WDR48: variants seen among roughly 807,000 people sequenced by gnomAD.
The protein encoded by WDR48 is WD repeat-containing protein 48.
WDR48 carries 22 observed loss-of-function variants against 94.0 expected under a neutral mutation model. That is an observed-to-expected ratio of 0.23 (90% CI 0.17 to 0.33). WDR48 has a LOEUF of 0.33. Ranked by LOEUF, WDR48 falls within the 10% of genes least tolerant of loss-of-function variation. The pLI is 1.00. For missense variants in WDR48, 541 were observed against 813.8 expected, an observed-to-expected ratio of 0.66 and a Z score of 4.08; for synonymous variants, 278 against 280.5, an observed-to-expected ratio of 0.99 and a Z score of 0.09.
intron 11 of WDR48, among the ~76,000 whole-genome samples, chr3:39,083,876 CGAAA>C (rs1380014132): frequency 2.0e-5 from 3 of 152,046 alleles, no homozygotes; most frequent in African/African-American, 7.2e-5. Flanking sequence ...CTGGGACCCT[CGAAA>C]GAGCCACGTT....
intron 7 of WDR48, among the ~76,000 whole-genome samples, 165 bp downstream of exon 7, chr3:39,069,909 C>G (rs1410944610): frequency 6.6e-6 from 1 of 152,190 alleles, no homozygotes; most frequent in Non-Finnish European, 1.5e-5. Context: ...CATTTAAAAA[C>G]TATTCTATTT....
chr3:39,094,235 C>T, intron 18 of WDR48, 169 bp downstream of exon 18: 1 of 1,442,106 alleles, frequency 6.9e-7, no homozygotes, highest in East Asian at 2.5e-5. Context: ...GGGAGATTTT[C>T]AGAGAAGGGA....
chr3:39,096,044 G>C lies in WDR48; in HGVS notation c.*1301G>C, dbSNP rs1040984849. On this transcript the variant is annotated 3_prime_UTR_variant, in exon 19 of 19. Transcript: ENST00000302313. Reference sequence around the variant, plus strand: ...TCCACCATAGCAGGGACTAGGGAGGGAGGCAGGGAACGTTTTTTCTTTTCT... The same window carrying C: ...TCCACCATAGCAGGGACTAGGGAGGCAGGCAGGGAACGTTTTTTCTTTTCT... 6.5e-6 allele frequency: 1 copy of C among 152,680 alleles called. No homozygotes were observed. The highest frequency in any genetic ancestry group is 1.5e-5 in the Non-Finnish European group (1 of 68,052). The allele number at this position is 152,680 out of a possible 1,614,324, so 9.5% of individuals were successfully genotyped here.
chr3:39,074,644 G>T, intron 7 of WDR48, 82 bp from the exon 8 acceptor site: 25 of 1,294,022 alleles, frequency 1.9e-5, no homozygotes, highest in Non-Finnish European at 2.1e-5. Context: ...TTGACAGTGT[G>T]GACTCGGGAG....
intron 7 of WDR48, among the ~76,000 whole-genome samples, chr3:39,074,522 G>T (rs1404724270): frequency 6.6e-6 from 1 of 152,118 alleles, no homozygotes; most frequent in Non-Finnish European, 1.5e-5. Flanking sequence ...TACATATTTG[G>T]GAAGAATAAG....
intron 7 of WDR48, among the ~76,000 whole-genome samples, chr3:39,072,149 G>A (rs1314612794): frequency 2.0e-5 from 3 of 152,164 alleles, no homozygotes; most frequent in South Asian, 4.1e-4. Flanking sequence ...TGATTCTTTT[G>A]TTGTAGAATA....
At chr3:39,083,899 G>T (rs571781556) in intron 11 of WDR48, among the ~76,000 whole-genome samples, 3 of 152,320 alleles carry the variant, frequency 2.0e-5, no homozygotes, top group Non-Finnish European at 4.4e-5. Flanking sequence ...TTGCTGTTAA[G>T]ATGAGGTGGT....
rs2034274050 is a variant in WDR48, at chr3:39,077,195, G to C, written c.954G>C (p.Lys318Asn). The change falls in exon 9 of 19, where the codon AAG becomes AAC. Residue 318 changes from lysine to asparagine, a missense_variant. Coordinates refer to ENST00000302313, the MANE Select transcript of WDR48 (RefSeq NM_020839.4). Reference protein sequence around the residue: ...PPPAIWVATTKSTVNKWTLKG... With the variant: ...PPPAIWVATTNSTVNKWTLKG... ...CTGCAATTTGGGTTGCAACAACTAA[G>C]TCTACAGTAAATAAATGGGTAAGTG... 1.2e-6 allele frequency: 2 copies of C among 1,614,020 alleles called. No individual in the cohort carries two copies. Among genetic ancestry groups the C allele is most frequent in the Non-Finnish European group, 1.7e-6 (2 of 1,180,034 alleles).
intron 5 of WDR48, among the ~76,000 whole-genome samples, chr3:39,068,521 T>G (rs2033744281): frequency 6.6e-6 from 1 of 152,250 alleles, no homozygotes; most frequent in African/African-American, 2.4e-5. Context: ...ACATATCATT[T>G]AAGCGGATAG....
At chr3:39,094,156 T>G in intron 18 of WDR48, 90 bp downstream of exon 18, 1 of 1,512,004 alleles carries the variant, frequency 6.6e-7, no homozygotes. Context: ...CTTCTACTTT[T>G]AGAGGGGCTC....
chr3:39,066,647 C>A lies in WDR48; in HGVS notation c.351+17C>A. 9 of 1,613,466 alleles carry A rather than the reference C, an allele frequency of 5.6e-6. No individual in the cohort carries two copies. Among genetic ancestry groups the A allele is most frequent in the Non-Finnish European group, 7.6e-6 (9 of 1,179,604 alleles). On this transcript the variant is annotated intron_variant, in intron 4 of 18. Coordinates refer to ENST00000302313, the MANE Select transcript of WDR48 (RefSeq NM_020839.4). ...ACACATAAGGTAAAACAATACAGTT[C>A]TCAGTGTCTTTAGTGTAATATTGGG... is the stretch of plus-strand genomic sequence containing the variant.
intron 14 of WDR48, 72 bp downstream of exon 14, chr3:39,085,682 A>ACTTTTTAAGTAAGTAC (rs1408838617): frequency 7.9e-7 from 1 of 1,264,828 alleles, no homozygotes; most frequent in African/African-American, 1.5e-5. Flanking sequence ...ACTAAAAGGT[A>ACTTTTTAAGTAAGTAC]CTTACTTAAA....
At chr3:39,070,687 CT>C (rs34204168) in intron 7 of WDR48, among the ~76,000 whole-genome samples, 34,721 of 133,284 alleles carry the variant, frequency 0.26, 4,865 homozygotes, top group African/African-American at 0.42. Context: ...TGTGAAGGAT[CT>C]TTTTTTTTTT....
chr3:39,091,283 T>C (rs1176790511), intron 16 of WDR48: 1 of 167,326 alleles, frequency 6.0e-6, no homozygotes, highest in Non-Finnish European at 1.3e-5. Context: ...ACTTAAGTTT[T>C]TGTTTGGGCC....
chr3:39,063,070 T>A lies in WDR48; in HGVS notation c.69T>A (p.Asp23Glu), dbSNP rs1235869734. Reference sequence around the variant, plus strand: ...GTCAGGTTTCCTATGTTATTCGAGATGAAGTGGAGAAGTACAACCGAAATG... The same window carrying A: ...GTCAGGTTTCCTATGTTATTCGAGAAGAAGTGGAGAAGTACAACCGAAATG... ...RKVQVSYVIR[D>E]EVEKYNRNGV... Residue 23 changes from aspartate (D) to glutamate (E), a missense_variant, in exon 2 of 19, where the codon GAT becomes GAA. Around this residue, in one of 5 missense-constraint regions of WDR48, gnomAD observed 90 missense variants for 122.3 expected, o/e 0.74. Coordinates refer to ENST00000302313, the MANE Select transcript of WDR48 (RefSeq NM_020839.4). 6.2e-7 allele frequency: 1 copy of A among 1,614,064 alleles called. No homozygotes were observed. The highest frequency in any genetic ancestry group is 8.5e-7 in the Non-Finnish European group (1 of 1,179,962).
chr3:39,074,897 A>G lies in WDR48; in HGVS notation c.844A>G (p.Arg282Gly), dbSNP rs2034132597. The G allele has an allele frequency of 6.2e-7, 1 of 1,614,256 alleles. No individual in the cohort carries two copies. Among genetic ancestry groups the G allele is most frequent in the Non-Finnish European group, 8.5e-7 (1 of 1,180,042 alleles). Reference protein sequence around the residue: ...RDRKIYCTDLRNPDIRVLICE... With the variant: ...RDRKIYCTDLGNPDIRVLICE... ...CAGGAAGATTTATTGTACAGACCTA[A>G]GAAACCCTGACATTCGGGTGCTAAT... The change falls in exon 8 of 19, where the codon AGA becomes GGA. Residue 282 changes from arginine to glycine, a missense_variant. Arg to Gly is a moderately radical substitution (Grantham distance 125, BLOSUM62 -2). This residue lies in a region of WDR48 where 238 missense variants were observed against 285.3 expected (regional missense o/e 0.83). Transcript: ENST00000302313.
At chr3:39,090,344 A>T (rs2125683941) in intron 16 of WDR48, 1 of 152,210 alleles carries the variant, frequency 6.6e-6, no homozygotes, top group East Asian at 1.9e-4. Flanking sequence ...GTGGTGGTTT[A>T]TATTGAATAT....
chr3:39,074,621 T>G, intron 7 of WDR48, 105 bp from the exon 8 acceptor site: 1 of 1,112,442 alleles, frequency 9.0e-7, no homozygotes, highest in Non-Finnish European at 1.3e-6. Flanking sequence ...CACAGGTTAA[T>G]AGAGTCGTGT....
chr3:39,093,324 G>A (rs551280992), intron 17 of WDR48, among the ~76,000 whole-genome samples: 2 of 152,204 alleles, frequency 1.3e-5, no homozygotes, highest in South Asian at 4.1e-4. Context: ...AGTATTCAAG[G>A]GAATAAAACC....
Sources: gnomAD v4.1 joint callset for allele counts (sites outside exome capture counted in the v4.1 genomes callset) on GRCh38, gnomAD v4.1.1 for gene constraint, gnomAD v4.1.1 regional missense constraint, MANE v1.5 for transcripts, NCBI Gene and HGNC (gene_info 2026-07-23, HGNC 2026-07-21) for gene names.